The following PIGH variants were observed in gnomAD, a reference collection of about 807,000 sequenced individuals.
The protein encoded by PIGH is phosphatidylinositol N-acetylglucosaminyltransferase subunit H.
Under a neutral mutation model 20.1 loss-of-function variants are expected in PIGH, and 11 were observed. The ratio of observed to expected loss-of-function variants is 0.55; its 90% CI spans 0.34 to 0.91. PIGH has a LOEUF of 0.91. Ranked by LOEUF, PIGH falls within the 40% of genes least tolerant of loss-of-function variation. PIGH has a pLI of 0.02. For missense variants in PIGH, 189 were observed against 233.6 expected (o/e 0.81, Z 1.24); for synonymous variants, 72 against 93.1 (o/e 0.77, Z 1.31).
rs565658021 is a variant in PIGH at position 67,589,795 on chromosome 14, G to C, written c.*285C>G. Reference sequence around the variant, plus strand: ...AACCTGAACATGCTTAGCAATTTCCGAAAGTGTTCTTTGCTGACATTACTT... The same window carrying C: ...AACCTGAACATGCTTAGCAATTTCCCAAAGTGTTCTTTGCTGACATTACTT... On this transcript the variant is annotated 3_prime_UTR_variant, in exon 4 of 4. Coordinates refer to ENST00000216452, the MANE Select transcript of PIGH (RefSeq NM_004569.5). 1,505 of 1,109,422 alleles carry C rather than the reference G, an allele frequency of 1.4e-3. 2 individuals are homozygous for C. Among genetic ancestry groups the C allele is most frequent in the Non-Finnish European group, 1.6e-3 (1,427 of 910,968 alleles). The allele number at this position is 1,109,422 out of a possible 1,614,324, so 68.7% of individuals were successfully genotyped here.
At chr14:67,598,043 A>G (rs191551283) in intron 1 of PIGH, among the ~76,000 whole-genome samples, 1 of 152,294 alleles carries the variant, frequency 6.6e-6, no homozygotes. Context: ...TACTATCTGC[A>G]TTTTTTTCAA....
intron 2 of PIGH, chr14:67,593,445 C>T (rs1008802809): frequency 9.3e-6 from 3 of 321,180 alleles, no homozygotes; most frequent in East Asian, 7.9e-5. Context: ...GAGCTGTGAT[C>T]GAGCCACTGC....
In PIGH at chr14:67,600,113, G is replaced by A; in HGVS notation, c.91C>T (p.Leu31Phe). ...CGCAGCGAGAGCCGAGGGCAGCTGA[G>A]GCAGAATTCCCGGCAGGACGGGGAG... ...YYSPSCREFC[L>F]SCPRLSLRSL... The change falls in exon 1 of 4, where the codon CTC (leucine) becomes TTC (phenylalanine). Residue 31 changes from leucine (L) to phenylalanine (F), a missense_variant. Physicochemically the swap from Leu to Phe is conservative, Grantham distance 22. Transcript: ENST00000216452. The A allele has an allele frequency of 6.3e-7, 1 of 1,597,894 alleles. No individual in the cohort carries two copies. The highest frequency in any genetic ancestry group is 8.5e-7 in the Non-Finnish European group (1 of 1,172,710).
chr14:67,600,231 C>A lies in PIGH; in HGVS notation c.-28G>T. On this transcript the variant is annotated 5_prime_UTR_variant, in exon 1 of 4. Coordinates refer to ENST00000216452, the MANE Select transcript of PIGH (RefSeq NM_004569.5). Reference sequence around the variant, plus strand: ...CGCCCCCACTCGGCCGCCCGCACCGCGCGGCGCTGCACTGCGCTCGCCGGC... The same window carrying A: ...CGCCCCCACTCGGCCGCCCGCACCGAGCGGCGCTGCACTGCGCTCGCCGGC... 6.5e-7 allele frequency: 1 copy of A among 1,536,652 alleles called. No individual in the cohort carries two copies. Among genetic ancestry groups the A allele is most frequent in the Admixed American group, 1.9e-5 (1 of 51,578 alleles).
intron 3 of PIGH, among the ~76,000 whole-genome samples, chr14:67,591,354 C>T (rs888719813): frequency 6.6e-6 from 1 of 152,138 alleles, no homozygotes; most frequent in Non-Finnish European, 1.5e-5. Flanking sequence ...ATCTTAAACA[C>T]TAGAAATCTA....
At chr14:67,599,272 A>G (rs4902498) in intron 1 of PIGH, among the ~76,000 whole-genome samples, 34,335 of 152,168 alleles carry the variant, frequency 0.23, 4,581 homozygotes, top group Non-Finnish European at 0.31. Context: ...AATTAGGATA[A>G]TTCTTTTTAT....
chr14:67,592,290 A>T (rs78832754), intron 3 of PIGH: 2 of 410,792 alleles, frequency 4.9e-6, no homozygotes, highest in South Asian at 1.9e-5. Context: ...AAAAAAAAAA[A>T]TTAGCCAGGC....
chr14:67,595,440 T>G (rs191233584), intron 1 of PIGH, among the ~76,000 whole-genome samples: 27 of 152,268 alleles, frequency 1.8e-4, no homozygotes, highest in Admixed American at 1.4e-3. Flanking sequence ...ACTGAACAAT[T>G]ATAAAGTGCT....
chr14:67,598,490 G>C (rs2036514031), intron 1 of PIGH, among the ~76,000 whole-genome samples: 1 of 151,498 alleles, frequency 6.6e-6, no homozygotes, highest in South Asian at 2.1e-4. Context: ...ATTGCTCTTT[G>C]TGAGCCTTGG....
intron 1 of PIGH, among the ~76,000 whole-genome samples, chr14:67,598,667 G>C (rs2036517243): frequency 6.6e-6 from 1 of 151,522 alleles, no homozygotes; most frequent in Non-Finnish European, 1.5e-5. Flanking sequence ...TTTTAGGGGG[G>C]CTATCAAGTC....
At chr14:67,597,113 TAGAA>T (rs2140639550) in intron 1 of PIGH, among the ~76,000 whole-genome samples, 1 of 152,322 alleles carries the variant, frequency 6.6e-6, no homozygotes, top group South Asian at 2.1e-4. Flanking sequence ...TACAGGGTTG[TAGAA>T]AGAAAGAAAA....
At chr14:67,591,413 A>C (rs1028438585) in intron 3 of PIGH, among the ~76,000 whole-genome samples, 4 of 152,238 alleles carry the variant, frequency 2.6e-5, no homozygotes, top group African/African-American at 4.8e-5. Flanking sequence ...TACAATGCAA[A>C]ATAATTTTTG....
intron 1 of PIGH, among the ~76,000 whole-genome samples, chr14:67,597,618 T>C (rs1281830670): frequency 2.0e-5 from 3 of 152,190 alleles, no homozygotes; most frequent in African/African-American, 7.2e-5. Context: ...AGTTAATTAA[T>C]TGCATTGAAT....
intron 1 of PIGH, among the ~76,000 whole-genome samples, chr14:67,595,062 A>G (rs964624886): frequency 4.0e-5 from 6 of 151,538 alleles, no homozygotes; most frequent in Non-Finnish European, 5.9e-5. Flanking sequence ...GCGTGAACCC[A>G]GGAGGTGGAG....
Position 67,593,962 on chromosome 14 carries a change from G to A in PIGH, c.181-10C>T, listed in dbSNP as rs1297067157. 6.3e-7 allele frequency: 1 copy of A among 1,589,964 alleles called. No homozygotes were observed. Among genetic ancestry groups the A allele is most frequent in the Non-Finnish European group, 8.6e-7 (1 of 1,161,312 alleles). Reference sequence around the variant, plus strand: ...AGAGGATCATGCTGTTCTGAAGAGAGAGCCAGACACAGACAGTAAGATTAC... The same window carrying A: ...AGAGGATCATGCTGTTCTGAAGAGAAAGCCAGACACAGACAGTAAGATTAC... On this transcript the variant is annotated splice_polypyrimidine_tract_variant and intron_variant, in intron 1 of 3. Transcript: ENST00000216452.
At chr14:67,597,501 C>CA (rs34780138) in intron 1 of PIGH, among the ~76,000 whole-genome samples, 22,124 of 139,846 alleles carry the variant, frequency 0.16, 1,913 homozygotes, top group East Asian at 0.31. Context: ...AAACCTGTCT[C>CA]AAAAAAAAAA....
intron 1 of PIGH, among the ~76,000 whole-genome samples, chr14:67,598,317 C>G (rs2319844): frequency 4.6e-5 from 7 of 151,968 alleles, no homozygotes; most frequent in South Asian, 2.1e-4. Context: ...ATGAGAGAGA[C>G]AAGTACAGAA....
At chr14:67,599,034 T>C (rs914013688) in intron 1 of PIGH, among the ~76,000 whole-genome samples, 9 of 152,174 alleles carry the variant, frequency 5.9e-5, no homozygotes, top group African/African-American at 2.2e-4. Flanking sequence ...GTTTAGATAG[T>C]TAGATAGTTT....
intron 1 of PIGH, among the ~76,000 whole-genome samples, chr14:67,597,662 A>G (rs2036499057): frequency 6.6e-6 from 1 of 152,224 alleles, no homozygotes; most frequent in Admixed American, 6.5e-5. Context: ...AATACAATTC[A>G]GCCCTGACCC....
Sources: gnomAD v4.1 joint callset for allele counts (sites outside exome capture counted in the v4.1 genomes callset) on GRCh38, gnomAD v4.1.1 for gene constraint, MANE v1.5 for transcripts, NCBI Gene and HGNC (gene_info 2026-07-23, HGNC 2026-07-21) for gene names.